Variants in CDK6 observed in about 807,000 individuals in gnomAD.
CDK6 encodes cyclin-dependent kinase 6.
A neutral mutation model predicts 37.1 loss-of-function variants in CDK6; 6 were observed. The ratio of observed to expected loss-of-function variants is 0.16; its 90% CI spans 0.09 to 0.32. The LOEUF (loss-of-function observed/expected upper bound fraction) is 0.32, where lower values mean the gene tolerates loss of function less well. Ranked by LOEUF, CDK6 falls within the 10% of genes least tolerant of loss-of-function variation. The pLI is 1.00. For missense variants in CDK6, 224 were observed against 418.9 expected, an observed-to-expected ratio of 0.53 and a Z score of 4.06; for synonymous variants, 160 against 161.3, an observed-to-expected ratio of 0.99 and a Z score of 0.06.
At chr7:92,692,503 G>A (rs1259010138) in intron 4 of CDK6, among the ~76,000 whole-genome samples, 2 of 152,004 alleles carry the variant, frequency 1.3e-5, no homozygotes, top group Non-Finnish European at 2.9e-5. Context: ...AATTATCTTG[G>A]GCTGGGCACA....
In CDK6 at chr7:92,671,440, T is replaced by C; in HGVS notation, c.633A>G (p.Glu211=). The C allele has an allele frequency of 1.3e-6, 2 of 1,562,482 alleles. No individual in the cohort carries two copies. Among genetic ancestry groups the C allele is most frequent in the Non-Finnish European group, 1.7e-6 (2 of 1,155,338 alleles). The part of the protein sequence containing the change: ...DLWSVGCIFA[E]MFRRKPLFRG... ...GTATTTCTTACTTTCTACGAAACATTTCTGCAAATATGCAGCCAACACTCC... is the reference window on the plus strand; with the variant it reads ...GTATTTCTTACTTTCTACGAAACATCTCTGCAAATATGCAGCCAACACTCC... The change falls in exon 5 of 8, where the codon GAA becomes GAG. Residue 211 remains glutamate (E), a synonymous_variant. Coordinates refer to ENST00000424848, the MANE Select transcript of CDK6 (RefSeq NM_001145306.2).
intron 2 of CDK6, among the ~76,000 whole-genome samples, chr7:92,789,383 A>G (rs1800224692): frequency 6.6e-6 from 1 of 152,242 alleles, no homozygotes; most frequent in Admixed American, 6.5e-5. Flanking sequence ...GTAACTAACT[A>G]CATAGGTAAG....
At chr7:92,786,307 G>A (rs999998359) in intron 2 of CDK6, among the ~76,000 whole-genome samples, 1 of 152,126 alleles carries the variant, frequency 6.6e-6, no homozygotes, top group Non-Finnish European at 1.5e-5. Context: ...ATCCTTAATA[G>A]GTGAGTAAAT....
At chr7:92,700,113 A>G (rs1430462142) in intron 4 of CDK6, among the ~76,000 whole-genome samples, 3 of 152,166 alleles carry the variant, frequency 2.0e-5, no homozygotes, top group African/African-American at 4.8e-5. Context: ...GAGGAGGGGC[A>G]AGGGCATGAC....
chr7:92,720,707 A>G (rs1313441998), intron 4 of CDK6, among the ~76,000 whole-genome samples: 3 of 152,114 alleles, frequency 2.0e-5, no homozygotes, highest in Admixed American at 6.5e-5. Flanking sequence ...GTGCACAGTG[A>G]GGTAGGACTG....
intron 2 of CDK6, among the ~76,000 whole-genome samples, chr7:92,798,257 AG>A (rs1475849852): frequency 3.9e-5 from 6 of 152,206 alleles, no homozygotes; most frequent in Non-Finnish European, 5.9e-5. Context: ...ATCTTCTTCT[AG>A]GCAAATGGCA....
intron 7 of CDK6, 94 bp downstream of exon 7, chr7:92,617,978 C>T (rs1355543430): frequency 7.9e-6 from 10 of 1,270,922 alleles, no homozygotes; most frequent in Non-Finnish European, 1.1e-5. Flanking sequence ...CCTATAGCAG[C>T]TACTGAACTG....
rs1443600954 is a variant in CDK6 at position 92,833,365 on chromosome 7, G to A, written c.-42C>T. 8 of 1,432,970 alleles carry A rather than the reference G, an allele frequency of 5.6e-6. No homozygotes were observed. The Admixed American group carries it at 6.5e-5, about 12-fold the overall frequency. 88.8% of individuals were successfully genotyped at this position (1,432,970 alleles called of 1,614,324 possible). A position where few individuals can be genotyped will look rare whatever the true frequency, so the allele number is the denominator to read the frequency against. ...CCGCCGCGGCGCCGCTGGGGCGGGC[G>A]GGGGGTGCGCTCAACTAGCTGGCGG... On this transcript the variant is annotated 5_prime_UTR_variant, in exon 2 of 8. Transcript: ENST00000424848. The surrounding 1 kb of genome is among the most constrained non-coding windows in gnomAD (Gnocchi z 6.1).
At chr7:92,751,562 C>T (rs898814728) in intron 3 of CDK6, among the ~76,000 whole-genome samples, 1 of 152,136 alleles carries the variant, frequency 6.6e-6, no homozygotes, top group Non-Finnish European at 1.5e-5. Context: ...AGCATAAAAA[C>T]TGTTATCACA....
chr7:92,790,416 G>T (rs149262417), intron 2 of CDK6, among the ~76,000 whole-genome samples: 46 of 152,200 alleles, frequency 3.0e-4, no homozygotes, highest in South Asian at 1.7e-3. Context: ...CCCCTACTCT[G>T]GTCAGTGAGC....
chr7:92,630,213 C>T (rs1039839354), intron 5 of CDK6, among the ~76,000 whole-genome samples: 1 of 151,968 alleles, frequency 6.6e-6, no homozygotes, highest in East Asian at 1.9e-4. Context: ...TGTGATTTGT[C>T]TTTCTGTGAC....
intron 3 of CDK6, among the ~76,000 whole-genome samples, chr7:92,762,734 AT>A (rs1042451028): frequency 4.7e-5 from 7 of 148,962 alleles, no homozygotes; most frequent in Non-Finnish European, 3.0e-5. Flanking sequence ...TGCCCAGCTA[AT>A]TTTTTTTTTG....
chr7:92,653,536 C>T (rs1796622828), intron 5 of CDK6, among the ~76,000 whole-genome samples: 1 of 152,214 alleles, frequency 6.6e-6, no homozygotes, highest in Non-Finnish European at 1.5e-5. Context: ...CTGATGCTCA[C>T]CTATCTCTGG....
At chr7:92,623,512 T>C (rs892716906) in intron 5 of CDK6, among the ~76,000 whole-genome samples, 3 of 152,208 alleles carry the variant, frequency 2.0e-5, no homozygotes, top group Non-Finnish European at 2.9e-5. Flanking sequence ...TACTTCCTCA[T>C]GGGTCTCTCT....
chr7:92,833,306 C>A lies in CDK6; in HGVS notation c.18G>T (p.Leu6=). 6.3e-7 allele frequency: 1 copy of A among 1,598,766 alleles called. No homozygotes were observed. The highest frequency in any genetic ancestry group is 8.5e-7 in the Non-Finnish European group (1 of 1,174,804). Residue 6 remains leucine (L), a synonymous_variant, in exon 2 of 8, where the codon CTG becomes CTT. Coordinates refer to ENST00000424848, the MANE Select transcript of CDK6 (RefSeq NM_001145306.2). This position sits in a 1 kb window ranked among gnomAD's most constrained non-coding sequence, Gnocchi z 6.1. ...ATTCGTACTGCTGGTCAGCGCGGCA[C>A]AGGCCGTCCTTCTCCATGCCGCCTG... MEKDG[L]CRADQQYECV... is the part of the protein sequence containing the mutation.
rs544695232 is a variant in CDK6 at position 92,774,660 on chromosome 7, G to A, written c.369+36C>T. ...CATTGCTTAACAGACTATAATAGTC[G>A]ACTGCCTGATAAGACATGAAGATGA... On this transcript the variant is annotated intron_variant, in intron 3 of 7. Coordinates refer to ENST00000424848, the MANE Select transcript of CDK6 (RefSeq NM_001145306.2). 2.3e-5 allele frequency: 35 copies of A among 1,537,806 alleles called. No homozygotes were observed. The South Asian group carries it at 4.1e-4, about 18-fold the overall frequency.
chr7:92,703,772 T>C (rs1257275497), intron 4 of CDK6, among the ~76,000 whole-genome samples: 2 of 152,348 alleles, frequency 1.3e-5, no homozygotes, highest in African/African-American at 4.8e-5. Flanking sequence ...TGTGTCTTAT[T>C]ATCAATTGCC....
chr7:92,740,476 C>T (rs1205516596), intron 3 of CDK6, among the ~76,000 whole-genome samples: 5 of 152,156 alleles, frequency 3.3e-5, no homozygotes, highest in Non-Finnish European at 7.3e-5. Context: ...GAGCATAGTT[C>T]TGGCACAGAA....
At chr7:92,620,695 C>T (rs1795788193) in intron 6 of CDK6, among the ~76,000 whole-genome samples, 2 of 151,864 alleles carry the variant, frequency 1.3e-5, no homozygotes, top group Admixed American at 1.3e-4. Context: ...ACCACTTGAC[C>T]CCAGGAGTTC....
Sources: gnomAD v4.1 joint callset for allele counts (sites outside exome capture counted in the v4.1 genomes callset) on GRCh38, gnomAD v4.1.1 for gene constraint, Gnocchi (gnomAD v3.1) non-coding constraint, MANE v1.5 for transcripts, NCBI Gene and HGNC (gene_info 2026-07-23, HGNC 2026-07-21) for gene names.